Variants in SENP1 observed in about 807,000 individuals in gnomAD.
The protein encoded by SENP1 is SUMO specific peptidase 1.
In SENP1, 21 loss-of-function variants were observed where a neutral mutation model predicts 93.0. The observed-to-expected ratio is 0.23, with a 90% CI of 0.16 to 0.33. SENP1 has a LOEUF of 0.33. Among genes scored for constraint, SENP1 ranks in the 10% least tolerant of loss-of-function variants. The pLI is 1.00. For missense variants in SENP1, 591 were observed against 758.7 expected (o/e 0.78, Z 2.60); for synonymous variants, 256 against 259.6 (o/e 0.99, Z 0.13).
Position 48,046,426 on chromosome 12 carries a change from C to T in SENP1, c.1802G>A (p.Ser601Asn). 6.2e-7 allele frequency: 1 copy of T among 1,612,886 alleles called. No homozygotes were observed. The highest frequency in any genetic ancestry group is 8.5e-7 in the Non-Finnish European group (1 of 1,178,958). Residue 601 changes from serine to asparagine, a missense_variant, in exon 17 of 18, where the codon AGT (serine) becomes AAT (asparagine). Ser to Asn is a conservative substitution (Grantham distance 46, BLOSUM62 1). Transcript: ENST00000549518. ...SQEIPQQMNGSDCGMFACKYA... is the reference protein window; with the variant it reads ...SQEIPQQMNGNDCGMFACKYA... ...TTTGCAGGCAAACATCCCACAGTCA[C>T]TTCCATTCATCTGCTGAGGAATCTC...
chr12:48,074,661 T>G, intron 7 of SENP1, 29 bp downstream of exon 7: 11 of 1,608,350 alleles, frequency 6.8e-6, no homozygotes, highest in Non-Finnish European at 9.4e-6. Flanking sequence ...TAGAATTAAA[T>G]TCATCTGAAA....
intron 4 of SENP1, among the ~76,000 whole-genome samples, chr12:48,089,447 C>T (rs1945087367): frequency 6.6e-6 from 1 of 152,200 alleles, no homozygotes; most frequent in South Asian, 2.1e-4. Context: ...TCTCAAAGAG[C>T]AGAGATAACC....
intron 6 of SENP1, among the ~76,000 whole-genome samples, chr12:48,083,214 A>C (rs567875614): frequency 1.4e-4 from 22 of 152,302 alleles, no homozygotes; most frequent in African/African-American, 5.3e-4. Flanking sequence ...CTGAAATAAA[A>C]TTTTATCAAA....
intron 13 of SENP1, among the ~76,000 whole-genome samples, chr12:48,059,232 A>C (rs1197386435): frequency 1.3e-5 from 2 of 152,106 alleles, no homozygotes; most frequent in African/African-American, 4.8e-5. Flanking sequence ...TGGGACTCCA[A>C]TTATATGCTT....
At chr12:48,065,505 C>T in intron 11 of SENP1, 91 bp downstream of exon 11, 1 of 813,200 alleles carries the variant, frequency 1.2e-6, no homozygotes, top group Non-Finnish European at 2.0e-6. Flanking sequence ...GGAATTACAA[C>T]AGCAATTACC....
intron 16 of SENP1, among the ~76,000 whole-genome samples, 155 bp downstream of exon 16, chr12:48,046,823 G>C (rs544963129): frequency 6.6e-6 from 1 of 152,054 alleles, no homozygotes; most frequent in South Asian, 2.1e-4. Flanking sequence ...CTTTTCCTAC[G>C]GATAGCTTAA....
intron 8 of SENP1, among the ~76,000 whole-genome samples, chr12:48,072,453 C>T (rs994681675): frequency 6.6e-6 from 1 of 152,040 alleles, no homozygotes; most frequent in Non-Finnish European, 1.5e-5. Flanking sequence ...CCTGTCTCTG[C>T]TAAGAATACA....
chr12:48,102,835 T>C (rs566370746), intron 1 of SENP1, among the ~76,000 whole-genome samples: 191 of 151,820 alleles, frequency 1.3e-3, no homozygotes, highest in Non-Finnish European at 2.4e-3. Context: ...AAAAAAGTTT[T>C]CTTGGCATAG....
chr12:48,052,842 AC>A (rs1357358700), intron 13 of SENP1, among the ~76,000 whole-genome samples: 1 of 152,224 alleles, frequency 6.6e-6, no homozygotes, highest in Non-Finnish European at 1.5e-5. Flanking sequence ...AAAGAGATAA[AC>A]CATAATAATG....
intron 13 of SENP1, 32 bp downstream of exon 13, chr12:48,063,678 C>T (rs1943108352): frequency 6.3e-7 from 1 of 1,594,916 alleles, no homozygotes; most frequent in Non-Finnish European, 8.6e-7. Context: ...TTAATGTTTA[C>T]TATTTGTATG....
intron 5 of SENP1, chr12:48,085,202 G>A (rs1944769926): frequency 4.7e-6 from 7 of 1,494,428 alleles, no homozygotes; most frequent in East Asian, 4.5e-5. Context: ...CCATCAATGA[G>A]ATCGAAGACA....
chr12:48,092,499 G>A (rs1945285014), intron 4 of SENP1, among the ~76,000 whole-genome samples: 1 of 152,102 alleles, frequency 6.6e-6, no homozygotes, highest in African/African-American at 2.4e-5. Flanking sequence ...TTTTAGAAAG[G>A]GACCTTTGAT....
At chr12:48,078,317 T>TATATATATATATATATATATATATA (rs1944242485) in intron 6 of SENP1, among the ~76,000 whole-genome samples, 3 of 70,738 alleles carry the variant, frequency 4.2e-5, no homozygotes, top group South Asian at 6.6e-4. Flanking sequence ...CTGTAGGATT[T>TATATATATATATATATATATATATA]TATATATATA....
chr12:48,081,813 G>T (rs1393705894), intron 6 of SENP1, among the ~76,000 whole-genome samples: 3 of 151,846 alleles, frequency 2.0e-5, no homozygotes, highest in Non-Finnish European at 4.4e-5. Flanking sequence ...CAATCCTCCT[G>T]CTTTTGCTTC....
chr12:48,067,452 T>C (rs2136981436), intron 9 of SENP1, among the ~76,000 whole-genome samples: 1 of 152,304 alleles, frequency 6.6e-6, no homozygotes, highest in East Asian at 1.9e-4. Flanking sequence ...ACAGGCCAAT[T>C]CTAGGTCCAT....
At chr12:48,049,549 T>C (rs934616296) in intron 13 of SENP1, among the ~76,000 whole-genome samples, 3 of 152,218 alleles carry the variant, frequency 2.0e-5, no homozygotes, top group Non-Finnish European at 4.4e-5. Context: ...AAGTAGATAC[T>C]GAGCTCAGTT....
chr12:48,064,957 G>T, intron 12 of SENP1, 108 bp downstream of exon 12: 2 of 783,228 alleles, frequency 2.6e-6, no homozygotes. Context: ...GATTACAGGC[G>T]TGAGCCACCG....
chr12:48,085,220 G>GC (rs1944773828), intron 5 of SENP1: 1 of 1,536,532 alleles, frequency 6.5e-7, no homozygotes, highest in Admixed American at 1.7e-5. Context: ...ACACTTTCCG[G>GC]CAATTTCTAA....
intron 6 of SENP1, among the ~76,000 whole-genome samples, chr12:48,075,736 T>C (rs1944023191): frequency 6.6e-6 from 1 of 152,156 alleles, no homozygotes; most frequent in Admixed American, 6.6e-5. Flanking sequence ...TTGTGGAGAT[T>C]ATATTGCAGT....
Sources: gnomAD v4.1 joint callset for allele counts (sites outside exome capture counted in the v4.1 genomes callset) on GRCh38, gnomAD v4.1.1 for gene constraint, MANE v1.5 for transcripts, NCBI Gene and HGNC (gene_info 2026-07-23, HGNC 2026-07-21) for gene names.